Variants in KIF16B observed in about 807,000 individuals in gnomAD.
KIF16B encodes the protein kinesin-like protein KIF16B.
In KIF16B, 98 loss-of-function variants were observed where a neutral mutation model predicts 156.3. The ratio of observed to expected loss-of-function variants is 0.63; its 90% CI spans 0.53 to 0.74. The LOEUF is 0.74. KIF16B is among the 30% of genes least tolerant of loss of function. The pLI, the probability that KIF16B is intolerant of heterozygous loss-of-function variation, is 0.00. For missense variants in KIF16B, 1,421 were observed against 1,606.5 expected (o/e 0.88, Z 1.97); for synonymous variants, 564 against 583.7 (o/e 0.97, Z 0.49).
At chr20:16,553,241 T>C (rs2070730437) in intron 1 of KIF16B, among the ~76,000 whole-genome samples, 1 of 152,176 alleles carries the variant, frequency 6.6e-6, no homozygotes, top group Admixed American at 6.5e-5. Flanking sequence ...GGCTGACTCA[T>C]CCTGCCAGGG....
chr20:16,425,175 G>C (rs961551329), intron 15 of KIF16B, among the ~76,000 whole-genome samples: 31 of 152,122 alleles, frequency 2.0e-4, no homozygotes, highest in African/African-American at 7.5e-4. Flanking sequence ...TTTGAGGAAA[G>C]CACAAGATGA....
At chr20:16,401,501 A>G (rs1232118227) in intron 17 of KIF16B, among the ~76,000 whole-genome samples, 2 of 152,236 alleles carry the variant, frequency 1.3e-5, no homozygotes, top group African/African-American at 4.8e-5. Context: ...AGCCTTTCCC[A>G]AAGGGACTCA....
chr20:16,568,519 T>C (rs2071341997), intron 1 of KIF16B, among the ~76,000 whole-genome samples: 1 of 152,162 alleles, frequency 6.6e-6, no homozygotes, highest in Non-Finnish European at 1.5e-5. Flanking sequence ...AACAGTGTTT[T>C]TCACACCCAA....
At chr20:16,326,719 C>T (rs2063856897) in intron 24 of KIF16B, among the ~76,000 whole-genome samples, 1 of 151,878 alleles carries the variant, frequency 6.6e-6, no homozygotes, top group African/African-American at 2.4e-5. Context: ...TTTACACTTG[C>T]TGGTGGGAAT....
chr20:16,571,155 T>C (rs575831870), intron 1 of KIF16B, among the ~76,000 whole-genome samples: 1 of 152,274 alleles, frequency 6.6e-6, no homozygotes, highest in South Asian at 2.1e-4. Flanking sequence ...TCCTCAAACC[T>C]GTTCACCTCC....
intron 25 of KIF16B, among the ~76,000 whole-genome samples, chr20:16,306,374 G>T (rs2063540939): frequency 6.6e-6 from 1 of 152,128 alleles, no homozygotes; most frequent in Non-Finnish European, 1.5e-5. Flanking sequence ...GAACTAAGTA[G>T]CTGTAAATAA....
At position 16,379,990 on chromosome 20, in the gene KIF16B, T is replaced by C. The variant is rs375150788; in HGVS notation, c.2012A>G (p.Asp671Gly). 3.1e-6 allele frequency: 5 copies of C among 1,610,146 alleles called. No individual in the cohort carries two copies. The highest frequency in any genetic ancestry group is 3.4e-6 in the Non-Finnish European group (4 of 1,178,756). Reference protein sequence around the residue: ...RSFHIENKLKDLLAEKEKFEE... With the variant: ...RSFHIENKLKGLLAEKEKFEE... ...AAATTTTTCCTTCTCCGCAAGTAAA[T>C]CCTTTAGCTTGTTCTCGATGTGGAA... Residue 671 changes from aspartate (D) to glycine (G), a missense_variant, in exon 19 of 26, where the codon GAT (aspartate) becomes GGT (glycine). By Grantham distance (94) the Asp-to-Gly change is moderately conservative (BLOSUM62 -1). Transcript: ENST00000354981.
Position 16,273,269 on chromosome 20 carries a change from C to A in KIF16B, c.3938G>T (p.Ser1313Ile). The change falls in exon 26 of 26, where the codon AGC becomes ATC. Residue 1313 changes from serine to isoleucine, a missense_variant. By Grantham distance (142) the Ser-to-Ile change is moderately radical. Transcript: ENST00000354981. ...FFKKGVFDYSSHGTG is the reference protein window; with the variant it reads ...FFKKGVFDYSIHGTG ...CCCCTGGCTCTACCCCGTCCCGTGG[C>A]TGCTGTAGTCAAAGACTCCTTTCTT... 6.2e-7 allele frequency: 1 copy of A among 1,614,102 alleles called. No individual in the cohort carries two copies. The highest frequency in any genetic ancestry group is 8.5e-7 in the Non-Finnish European group (1 of 1,179,962).
chr20:16,504,901 AAAAGTTCTGGC>A (rs918031076), intron 9 of KIF16B, among the ~76,000 whole-genome samples: 7 of 151,670 alleles, frequency 4.6e-5, no homozygotes, highest in African/African-American at 1.7e-4. Context: ...AAATACTTTT[AAAAGTTCTGGC>A]AAAGTCTACT....
intron 25 of KIF16B, among the ~76,000 whole-genome samples, chr20:16,296,723 C>T (rs961903232): frequency 2.0e-5 from 3 of 152,100 alleles, no homozygotes; most frequent in Admixed American, 6.5e-5. Flanking sequence ...CCAACACAGC[C>T]GTATCTGGGG....
chr20:16,553,049 A>G (rs1298321824), intron 1 of KIF16B, among the ~76,000 whole-genome samples: 2 of 152,132 alleles, frequency 1.3e-5, no homozygotes, highest in African/African-American at 2.4e-5. Flanking sequence ...TACAGGCATG[A>G]GCCACCGTAC....
intron 7 of KIF16B, among the ~76,000 whole-genome samples, chr20:16,506,776 T>G (rs2147020011): frequency 6.6e-6 from 1 of 152,242 alleles, no homozygotes; most frequent in South Asian, 2.1e-4. Flanking sequence ...TACTATATTT[T>G]TATAGAAATT....
At chr20:16,509,754 CT>C (rs1265466111) in intron 6 of KIF16B, among the ~76,000 whole-genome samples, 1 of 152,072 alleles carries the variant, frequency 6.6e-6, no homozygotes, top group East Asian at 1.9e-4. Flanking sequence ...AATATTTTTC[CT>C]ATTTTGTAAT....
At chr20:16,371,606 A>AT (rs11399338) in intron 21 of KIF16B, 59 bp downstream of exon 21, 16 of 1,052,968 alleles carry the variant, frequency 1.5e-5, no homozygotes, top group Middle Eastern at 2.1e-4. Flanking sequence ...AAAAAAAAAA[A>AT]GGAAAAAAGA....
intron 25 of KIF16B, among the ~76,000 whole-genome samples, chr20:16,295,745 A>G (rs1482091773): frequency 6.6e-6 from 1 of 152,182 alleles, no homozygotes; most frequent in African/African-American, 2.4e-5. Context: ...TTATTTACAC[A>G]CAGGACGAGG....
rs764145266 is a variant in KIF16B at position 16,367,899 on chromosome 20, A to C, written c.3498+2687T>G. ...CCTCTGCAGAGCTCAGGAATCGAAC[A>C]CTCTGTCCACCAAAGCCAATCTGAA... is the stretch of plus-strand genomic sequence containing the variant. On this transcript the variant is annotated intron_variant, in intron 22 of 25. Coordinates refer to ENST00000354981, the MANE Select transcript of KIF16B (RefSeq NM_024704.5). The C allele has an allele frequency of 1.0e-5, 15 of 1,488,438 alleles. No homozygotes were observed. In the South Asian group the frequency reaches 1.5e-4, roughly 15 times the overall value. The allele number at this position is 1,488,438 out of a possible 1,614,324, so 92.2% of individuals were successfully genotyped here. A position where few individuals can be genotyped will look rare whatever the true frequency, so the allele number is the denominator to read the frequency against.
chr20:16,331,754 T>C (rs1210123351), intron 24 of KIF16B, among the ~76,000 whole-genome samples: 1 of 152,192 alleles, frequency 6.6e-6, no homozygotes, highest in Non-Finnish European at 1.5e-5. Flanking sequence ...ATCAACCCTT[T>C]GGCTTTCCTG....
chr20:16,570,126 G>A (rs2071401965), intron 1 of KIF16B, among the ~76,000 whole-genome samples: 1 of 152,100 alleles, frequency 6.6e-6, no homozygotes, highest in Non-Finnish European at 1.5e-5. Flanking sequence ...TCCACCAAAT[G>A]ATTTACGCTA....
In KIF16B at chr20:16,504,487, C is replaced by G. The variant is rs1264246703; in HGVS notation, c.1061G>C (p.Arg354Thr). The G allele has an allele frequency of 6.2e-7, 1 of 1,613,920 alleles. No homozygotes were observed. The highest frequency in any genetic ancestry group is 8.5e-7 in the Non-Finnish European group (1 of 1,179,976). ...ETLSTLRYANRAKNIINKPTI... is the reference protein window; with the variant it reads ...ETLSTLRYANTAKNIINKPTI... ...AGGCTTGTTGATGATGTTTTTGGCT[C>G]TATTTGCATAGCGAAGAGTACTTAG... The change falls in exon 10 of 26, where the codon AGA (arginine) becomes ACA (threonine). Residue 354 changes from arginine to threonine, a missense_variant. Physicochemically the swap from Arg to Thr is moderately conservative, Grantham distance 71 (BLOSUM62 -1). Transcript: ENST00000354981.
Sources: gnomAD v4.1 joint callset for allele counts (sites outside exome capture counted in the v4.1 genomes callset) on GRCh38, gnomAD v4.1.1 for gene constraint, MANE v1.5 for transcripts, NCBI Gene and HGNC (gene_info 2026-07-23, HGNC 2026-07-21) for gene names.